DCC: variants seen among roughly 807,000 people sequenced by gnomAD.
DCC encodes DCC netrin 1 receptor, also known as netrin receptor DCC.
Under a neutral mutation model 172.5 loss-of-function variants are expected in DCC, and 58 were observed. The ratio of observed to expected loss-of-function variants is 0.34; its 90% CI spans 0.27 to 0.42. DCC has a LOEUF of 0.42. Among genes scored for constraint, DCC ranks in the 10% least tolerant of loss-of-function variants. The probability of loss-of-function intolerance (pLI) is 1.00; values close to 1 mark genes in which losing one functional copy is unlikely to be tolerated. For missense variants in DCC, 1,740 were observed against 1,791.0 expected (o/e 0.97, Z 0.51); for synonymous variants, 709 against 644.5 (o/e 1.10, Z -1.52).
chr18:53,289,450 A>G (rs1221677801), intron 12 of DCC, among the ~76,000 whole-genome samples: 1 of 152,120 alleles, frequency 6.6e-6, no homozygotes, highest in Non-Finnish European at 1.5e-5. Context: ...GTGTCTATTT[A>G]TCTTAGTAGA....
chr18:53,425,787 C>T (rs1405276222), intron 21 of DCC, among the ~76,000 whole-genome samples: 1 of 152,088 alleles, frequency 6.6e-6, no homozygotes, highest in Admixed American at 6.6e-5. Context: ...ATAGTTTTCT[C>T]AGCTATAAAA....
chr18:52,428,065 T>C (rs1987501027), intron 1 of DCC, among the ~76,000 whole-genome samples: 1 of 152,094 alleles, frequency 6.6e-6, no homozygotes. Flanking sequence ...TTTTGAATGC[T>C]ACTGTCCTTA....
intron 25 of DCC, among the ~76,000 whole-genome samples, chr18:53,478,244 T>C (rs181617095): frequency 3.9e-5 from 6 of 152,222 alleles, no homozygotes; most frequent in Non-Finnish European, 7.3e-5. Context: ...TAATCTTTCA[T>C]GCAGGCTATT....
chr18:53,447,783 G>A (rs1052785552), intron 22 of DCC, among the ~76,000 whole-genome samples: 11 of 152,200 alleles, frequency 7.2e-5, no homozygotes, highest in Middle Eastern at 3.4e-3. Context: ...AAATACTACT[G>A]TAAAATAACT....
At chr18:53,085,297 G>A (rs1400330410) in intron 7 of DCC, among the ~76,000 whole-genome samples, 1 of 152,080 alleles carries the variant, frequency 6.6e-6, no homozygotes, top group East Asian at 1.9e-4. Flanking sequence ...GAAGAAAAAT[G>A]TATGCAAGAA....
At chr18:52,840,173 C>T (rs1241348562) in intron 2 of DCC, among the ~76,000 whole-genome samples, 1 of 152,206 alleles carries the variant, frequency 6.6e-6, no homozygotes, top group African/African-American at 2.4e-5. Context: ...TTATTGGTCA[C>T]ATTTCATTGC....
intron 1 of DCC, among the ~76,000 whole-genome samples, chr18:52,438,379 TG>T (rs926451027): frequency 4.7e-4 from 72 of 152,334 alleles, no homozygotes; most frequent in African/African-American, 1.6e-3. Flanking sequence ...GATGTTATGT[TG>T]GGTTACTAAG....
chr18:52,540,820 A>C (rs1371041942), intron 1 of DCC, among the ~76,000 whole-genome samples: 1 of 151,744 alleles, frequency 6.6e-6, no homozygotes, highest in Non-Finnish European at 1.5e-5. Context: ...GTTAGTCAGG[A>C]TGGTCTTGAT....
intron 2 of DCC, among the ~76,000 whole-genome samples, chr18:52,899,630 C>T (rs945877294): frequency 5.3e-5 from 8 of 151,824 alleles, no homozygotes; most frequent in East Asian, 1.9e-4. Context: ...GCTGGGATTA[C>T]GGGCATGAGC....
intron 5 of DCC, among the ~76,000 whole-genome samples, chr18:52,979,299 A>G (rs2041169720): frequency 1.3e-5 from 2 of 152,078 alleles, no homozygotes; most frequent in Non-Finnish European, 2.9e-5. Flanking sequence ...TCTTCCTGGG[A>G]GATAGGAGGA....
intron 9 of DCC, among the ~76,000 whole-genome samples, chr18:53,202,057 CAT>C (rs946413054): frequency 1.3e-4 from 20 of 152,154 alleles, no homozygotes; most frequent in Admixed American, 3.9e-4. Context: ...TGCATGCACA[CAT>C]GTTTCTTAGC....
intron 5 of DCC, among the ~76,000 whole-genome samples, chr18:52,947,022 T>A (rs1333761908): frequency 6.6e-6 from 1 of 152,212 alleles, no homozygotes; most frequent in Admixed American, 6.5e-5. Flanking sequence ...TTCATTGCCC[T>A]GTTGGGTCTT....
intron 1 of DCC, among the ~76,000 whole-genome samples, chr18:52,400,396 T>C (rs1405661929): frequency 6.6e-6 from 1 of 151,790 alleles, no homozygotes; most frequent in Non-Finnish European, 1.5e-5. Flanking sequence ...TCAAAGTGTG[T>C]CATAAATTTA....
chr18:53,004,301 C>A (rs1231864795), intron 5 of DCC, among the ~76,000 whole-genome samples: 1 of 152,110 alleles, frequency 6.6e-6, no homozygotes, highest in Non-Finnish European at 1.5e-5. Context: ...TATCAGTTAC[C>A]ATTTGAAGGT....
intron 1 of DCC, among the ~76,000 whole-genome samples, chr18:52,515,602 G>A (rs71367280): frequency 4.0e-4 from 1 of 2,478 alleles, no homozygotes; most frequent in Middle Eastern, 0.5. Flanking sequence ...GCGAAACCCT[G>A]TCTCAAAAAA....
intron 9 of DCC, among the ~76,000 whole-genome samples, chr18:53,190,780 A>T (rs574604174): frequency 6.6e-6 from 1 of 152,080 alleles, no homozygotes; most frequent in Non-Finnish European, 1.5e-5. Flanking sequence ...CCCCTTCTCT[A>T]CTAAAAATAC....
chr18:52,841,292 A>AAGAAAC (rs2038801267), intron 2 of DCC, among the ~76,000 whole-genome samples: 1 of 139,988 alleles, frequency 7.1e-6, no homozygotes, highest in South Asian at 2.1e-4. Flanking sequence ...TGCTTAAAAA[A>AAGAAAC]AAAACAACAC....
intron 27 of DCC, among the ~76,000 whole-genome samples, chr18:53,512,280 G>C (rs2046266617): frequency 6.7e-6 from 1 of 149,522 alleles, no homozygotes; most frequent in African/African-American, 2.5e-5. Context: ...CTAACAAACA[G>C]AAAGGACATC....
chr18:53,025,266 A>G (rs987029551), intron 5 of DCC, among the ~76,000 whole-genome samples: 4 of 152,194 alleles, frequency 2.6e-5, no homozygotes, highest in Admixed American at 2.0e-4. Context: ...CTAAGCTGGA[A>G]GATCGAAAAG....
Sources: allele counts gnomAD v4.1 joint callset (sites outside exome capture counted in the v4.1 genomes callset), GRCh38; gene constraint gnomAD v4.1.1; transcripts MANE v1.5; gene names NCBI Gene and HGNC (gene_info 2026-07-23, HGNC 2026-07-21).